PTGDR: variants seen among roughly 807,000 people sequenced by gnomAD.
PTGDR encodes the protein prostaglandin D2 receptor, also known as PGD2 receptor.
In PTGDR, 19 loss-of-function variants were observed where a neutral mutation model predicts 17.4. The observed-to-expected ratio is 1.09, with a 90% CI of 0.76 to 1.60. The LOEUF (loss-of-function observed/expected upper bound fraction) is 1.60. PTGDR is among the 40% of genes most tolerant of loss of function. PTGDR has a pLI of 0.00. For synonymous variants in PTGDR, 267 were observed against 224.2 expected (o/e 1.19, Z -1.71); for missense variants, 526 against 481.9 (o/e 1.09, Z -0.86).
In PTGDR at chr14:52,268,038, G is replaced by A. The variant is rs769405025; in HGVS notation, c.224G>A (p.Gly75Asp). The A allele has an allele frequency of 2.5e-6, 4 of 1,611,676 alleles. No individual in the cohort carries two copies. In the African/African-American group the frequency reaches 5.3e-5, roughly 22 times the overall value. ...GGCCTGACGGTCACCGACTTGCTGG[G>A]CAAGTGCCTCCTAAGCCCGGTGGTG... The part of the protein sequence containing the change: ...VCGLTVTDLL[G>D]KCLLSPVVLA... Residue 75 changes from glycine to aspartate, a missense_variant, in exon 1 of 2, where the codon GGC (glycine) becomes GAC (aspartate). By Grantham distance (94) the Gly-to-Asp change is moderately conservative (BLOSUM62 -1). Transcript: ENST00000306051.
In PTGDR at chr14:52,276,278, A is replaced by C. The variant is rs984068833; in HGVS notation, c.*1314A>C. 6.6e-6 allele frequency: 1 copy of C among 152,172 alleles called. No individual in the cohort carries two copies. The highest frequency in any genetic ancestry group is 1.5e-5 in the Non-Finnish European group (1 of 68,032). 9.4% of individuals were successfully genotyped at this position (152,172 alleles called of 1,614,324 possible). On this transcript the variant is annotated 3_prime_UTR_variant, in exon 2 of 2. Coordinates refer to ENST00000306051, the MANE Select transcript of PTGDR (RefSeq NM_000953.3). The stretch of plus-strand genomic sequence containing the variant: ...TCTCTGGAGTTCCTTTGTATCTGAC[A>C]ATCTCAGGACTCCAAGGTGCAAAGC...
At position 52,267,927 on chromosome 14, in the gene PTGDR, T is replaced by C. The variant is rs1455694449; in HGVS notation, c.113T>C (p.Leu38Pro). The change falls in exon 1 of 2, where the codon CTG (leucine) becomes CCG (proline). Residue 38 changes from leucine to proline, a missense_variant. Coordinates refer to ENST00000306051, the MANE Select transcript of PTGDR (RefSeq NM_000953.3). ...STGLLGNLLA[L>P]GLLARSGLGW... ...GGCCTCCTGGGCAACCTGCTGGCCC[T>C]GGGGCTGCTGGCGCGCTCGGGGCTG... 5 of 1,610,374 alleles carry C rather than the reference T, an allele frequency of 3.1e-6. No individual in the cohort carries two copies. In the Admixed American group the frequency reaches 5.0e-5, roughly 16 times the overall value.
chr14:52,271,910 G>A (rs544578824), intron 1 of PTGDR, among the ~76,000 whole-genome samples: 11 of 152,250 alleles, frequency 7.2e-5, no homozygotes, highest in African/African-American at 2.4e-4. Context: ...ATCTGAAGGG[G>A]GAGACATGGG....
chr14:52,268,204 C>T lies in PTGDR; in HGVS notation c.390C>T (p.Cys130=), dbSNP rs770494485. Residue 130 remains cysteine (C), a synonymous_variant, in exon 1 of 2, where the codon TGC becomes TGT. Transcript: ENST00000306051. ...TLQLLAMALE[C]WLSLGHPFFY... ...AACTCCTGGCCATGGCACTGGAGTG[C>T]TGGCTCTCCCTAGGGCACCCTTTCT... The T allele has an allele frequency of 2.5e-6, 4 of 1,613,986 alleles. No homozygotes were observed. Among genetic ancestry groups the T allele is most frequent in the Non-Finnish European group, 1.7e-6 (2 of 1,180,034 alleles).
chr14:52,270,426 C>A (rs1438821375), intron 1 of PTGDR, among the ~76,000 whole-genome samples: 2 of 152,022 alleles, frequency 1.3e-5, no homozygotes, highest in Admixed American at 1.3e-4. Context: ...ACTTGTAGTC[C>A]CAGCTTCTCA....
rs1446575920 is a variant in PTGDR at position 52,268,387 on chromosome 14, G to A, written c.573G>A (p.Glu191=). ...GCTTTATCCAGATGGTCCACGAGGA[G>A]GGCTCGCTGTCGGTGCTGGGGTACT... ...TWCFIQMVHE[E]GSLSVLGYSV... The change falls in exon 1 of 2, where the codon GAG becomes GAA. Residue 191 remains glutamate (E), a synonymous_variant. Coordinates refer to ENST00000306051, the MANE Select transcript of PTGDR (RefSeq NM_000953.3). 1.5e-5 allele frequency: 24 copies of A among 1,612,208 alleles called. 1 individual carries two copies. Among genetic ancestry groups the A allele is most frequent in the Admixed American group, 6.7e-5 (4 of 60,014 alleles).
downstream of PTGDR, among the ~76,000 whole-genome samples, chr14:52,280,169 CA>C (rs2033471792): frequency 6.6e-6 from 1 of 152,116 alleles, no homozygotes; most frequent in Non-Finnish European, 1.5e-5. Flanking sequence ...AACACCTGGG[CA>C]AACAAAGTTG....
chr14:52,277,780 A>G (rs550781932), downstream of PTGDR, among the ~76,000 whole-genome samples: 4 of 152,338 alleles, frequency 2.6e-5, no homozygotes, highest in South Asian at 8.3e-4. Context: ...GGGTGGGGCC[A>G]GCAATCTGGG....
In PTGDR at chr14:52,276,133, GAAAGGGAAAAGTGGAGGAA is replaced by G. The variant is rs2033420347; in HGVS notation, c.*1171_*1189del. 6.6e-6 allele frequency: 1 copy of G among 152,200 alleles called. No individual in the cohort carries two copies. The highest frequency in any genetic ancestry group is 2.4e-5 in the African/African-American group (1 of 41,440). The allele number at this position is 152,200 out of a possible 1,614,324, so 9.4% of individuals were successfully genotyped here. On this transcript the variant is annotated 3_prime_UTR_variant, in exon 2 of 2. Coordinates refer to ENST00000306051, the MANE Select transcript of PTGDR (RefSeq NM_000953.3). The stretch of plus-strand genomic sequence containing the variant: ...TTCAAGGGTCAGCAATATGATGACT[GAAAGGGAAAAGTGGAGGAA>G]ACGCAGCTGCAACTGAAGCGGAGAC...
downstream of PTGDR, among the ~76,000 whole-genome samples, chr14:52,276,993 T>C (rs187348359): frequency 1.3e-5 from 2 of 152,346 alleles, no homozygotes; most frequent in East Asian, 1.9e-4. Context: ...AATGTAGATA[T>C]ACCATCTGGA....
rs954479165 is a variant in PTGDR, at chr14:52,274,770, A to T, written c.886A>T (p.Lys296Ter). 1.5e-5 allele frequency: 25 copies of T among 1,613,546 alleles called. No individual in the cohort carries two copies. Among genetic ancestry groups the T allele is most frequent in the Non-Finnish European group, 2.0e-5 (24 of 1,179,544 alleles). ...TGGAGCATTTAAGGATGTCAAGGAG[A>T]AAAACAGGACCTCTGAAGAAGCAGA... Reference protein sequence around the residue: ...YYGAFKDVKEKNRTSEEAEDL... With the variant: ...YYGAFKDVKE Residue 296 changes from lysine (K) to a stop codon, truncating the protein, a stop_gained, in exon 2 of 2, where the codon AAA becomes TAA. Transcript: ENST00000306051. LOFTEE classifies it low-confidence loss of function (END_TRUNC).
chr14:52,268,389 G>T lies in PTGDR; in HGVS notation c.575G>T (p.Gly192Val). The T allele has an allele frequency of 1.2e-6, 2 of 1,612,076 alleles. No homozygotes were observed. Among genetic ancestry groups the T allele is most frequent in the Non-Finnish European group, 1.7e-6 (2 of 1,180,030 alleles). The change falls in exon 1 of 2, where the codon GGC becomes GTC. Residue 192 changes from glycine (G) to valine (V), a missense_variant. Gly to Val is a moderately radical substitution (Grantham distance 109, BLOSUM62 -3). Transcript: ENST00000306051. ...TTTATCCAGATGGTCCACGAGGAGG[G>T]CTCGCTGTCGGTGCTGGGGTACTCT... ...WCFIQMVHEEGSLSVLGYSVL... is the reference protein window; with the variant it reads ...WCFIQMVHEEVSLSVLGYSVL...
chr14:52,267,799 T>G lies in PTGDR; in HGVS notation c.-16T>G. ...CCTTCCGCAGCCTTCACTCCAGCCC[T>G]CTGCTCCCGCACGCCATGAAGTCGC... is the stretch of plus-strand genomic sequence containing the variant. On this transcript the variant is annotated 5_prime_UTR_variant, in exon 1 of 2. Coordinates refer to ENST00000306051, the MANE Select transcript of PTGDR (RefSeq NM_000953.3). 6.5e-7 allele frequency: 1 copy of G among 1,542,032 alleles called. No individual in the cohort carries two copies. The highest frequency in any genetic ancestry group is 8.7e-7 in the Non-Finnish European group (1 of 1,144,068).
At chr14:52,270,716 A>C (rs530039683) in intron 1 of PTGDR, among the ~76,000 whole-genome samples, 1 of 152,286 alleles carries the variant, frequency 6.6e-6, no homozygotes, top group Admixed American at 6.5e-5. Flanking sequence ...AGGAGCTCCT[A>C]TTGTAAAGTT....
intron 1 of PTGDR, among the ~76,000 whole-genome samples, chr14:52,271,516 G>A (rs1295985240): frequency 1.3e-5 from 2 of 152,178 alleles, no homozygotes; most frequent in African/African-American, 2.4e-5. Context: ...TTTTCCATAT[G>A]TACAAGGAAA....
At chr14:52,277,624 T>G (rs1594623089), downstream of PTGDR, among the ~76,000 whole-genome samples, 1 of 152,340 alleles carries the variant, frequency 6.6e-6, no homozygotes, top group East Asian at 1.9e-4. Flanking sequence ...AAAGCGTTCT[T>G]TGCTGTTGTT....
Position 52,267,807 on chromosome 14 carries a change from C to G in PTGDR, c.-8C>G. 6.5e-7 allele frequency: 1 copy of G among 1,547,534 alleles called. No homozygotes were observed. ...AGCCTTCACTCCAGCCCTCTGCTCC[C>G]GCACGCCATGAAGTCGCCGTTCTAC... On this transcript the variant is annotated 5_prime_UTR_variant, in exon 1 of 2. Transcript: ENST00000306051.
At chr14:52,271,173 T>G (rs2033316734) in intron 1 of PTGDR, among the ~76,000 whole-genome samples, 1 of 152,220 alleles carries the variant, frequency 6.6e-6, no homozygotes, top group Non-Finnish European at 1.5e-5. Context: ...TGAAATTACA[T>G]ACATAATATA....
At chr14:52,268,685 C>T (rs759910537) in intron 1 of PTGDR, 25 bp downstream of exon 1, 1 of 1,546,118 alleles carries the variant, frequency 6.5e-7, no homozygotes. Context: ...CCCGAGGCAG[C>T]AGGGCACTGA....
Sources: allele counts gnomAD v4.1 joint callset (sites outside exome capture counted in the v4.1 genomes callset), GRCh38; gene constraint gnomAD v4.1.1; transcripts MANE v1.5; gene names NCBI Gene and HGNC (gene_info 2026-07-23, HGNC 2026-07-21).